Variants in CEBPZ observed in about 807,000 individuals in gnomAD.
CEBPZ encodes the protein CCAAT/enhancer-binding protein zeta.
In CEBPZ, 78 loss-of-function variants were observed where a neutral mutation model predicts 104.5. That is an observed-to-expected ratio of 0.75 (90% confidence interval 0.62 to 0.90). The LOEUF is 0.90. CEBPZ is among the 40% of genes least tolerant of loss of function. The pLI, the probability that CEBPZ is intolerant of heterozygous loss-of-function variation, is 0.00. For synonymous variants in CEBPZ, 470 were observed against 427.0 expected (o/e 1.10, Z -1.24); for missense variants, 1,439 against 1,233.5 (o/e 1.17, Z -2.50).
rs190431091 is a variant in CEBPZ at position 37,201,785 on chromosome 2, T to C, written c.3144A>G (p.Lys1048=). Residue 1048 remains lysine (K), a synonymous_variant, in exon 16 of 16, where the codon AAA becomes AAG. Transcript: ENST00000234170. The stretch of plus-strand genomic sequence containing the variant: ...TAACTCATTTCCTTTGTTTTTTAGT[T>C]TTTTGAGTGGTTTTAATCCTCTTCT... ...FKKKRIKTTQ[K]TKKQRK The C allele has an allele frequency of 1.7e-4, 238 of 1,362,832 alleles. No homozygotes were observed. In the African/African-American group the frequency reaches 2.7e-3, roughly 16 times the overall value. The allele number at this position is 1,362,832 out of a possible 1,614,324, so 84.4% of individuals were successfully genotyped here.
rs903248458 is a variant in CEBPZ at position 37,211,953 on chromosome 2, T to C, written c.2690A>G (p.Asp897Gly). 6.2e-7 allele frequency: 1 copy of C among 1,613,798 alleles called. No homozygotes were observed. The highest frequency in any genetic ancestry group is 2.2e-5 in the East Asian group (1 of 44,844). ...ACTTCCTAAAGAAACTTCATCGTCA[T>C]CCAGGTTACCAAGTTCATCATCACT... ...EGSDDELGNL[D>G]DDEVSLGSMD... Residue 897 changes from aspartate to glycine, a missense_variant, in exon 12 of 16, where the codon GAT becomes GGT. Asp to Gly is a moderately conservative substitution (Grantham distance 94). Coordinates refer to ENST00000234170, the MANE Select transcript of CEBPZ (RefSeq NM_005760.3).
In CEBPZ at chr2:37,212,867, CA is replaced by C. The variant is rs749522819; in HGVS notation, c.2546-476del. On this transcript the variant is annotated intron_variant, in intron 10 of 15. Transcript: ENST00000234170. Reference sequence around the variant, plus strand: ...AAAAAAAAAACAAAAACAACAACAACAAAAAAAAAAACAAAAAAAAAACGAG... The same window carrying C: ...AAAAAAAAAACAAAAACAACAACAACAAAAAAAAAACAAAAAAAAAACGAG... 3.6e-4 allele frequency among the ~76,000 whole-genome samples: 42 copies of C among 117,230 alleles called. No individual in the cohort carries two copies. The East Asian group carries it at 6.0e-3, about 17-fold the overall frequency. The allele number at this position is 117,230 out of a possible 152,430, so 76.9% of individuals were successfully genotyped here.
At chr2:37,210,084 T>G (rs1677671221) in intron 13 of CEBPZ, 1 of 152,152 alleles carries the variant, frequency 6.6e-6, no homozygotes, top group African/African-American at 2.4e-5. Flanking sequence ...AATACCACCT[T>G]ACTCCTGCAA....
chr2:37,212,226 A>T, intron 11 of CEBPZ, 109 bp downstream of exon 11: 1 of 1,087,020 alleles, frequency 9.2e-7, no homozygotes, highest in Non-Finnish European at 1.4e-6. Context: ...TCCCAAACTT[A>T]CTTGACTACA....
chr2:37,207,310 G>C (rs995549905), intron 13 of CEBPZ, among the ~76,000 whole-genome samples: 1 of 152,110 alleles, frequency 6.6e-6, no homozygotes, highest in Non-Finnish European at 1.5e-5. Flanking sequence ...GGACTTAACA[G>C]ATACCTACGG....
intron 8 of CEBPZ, 157 bp downstream of exon 8, chr2:37,215,983 C>G: frequency 2.3e-6 from 1 of 433,632 alleles, no homozygotes; most frequent in Non-Finnish European, 4.0e-6. Context: ...CAGTCAGATA[C>G]AGTAGATTTA....
rs538373586 is a variant in CEBPZ at position 37,225,099 on chromosome 2, A to C, written c.1650-1698T>G. On this transcript the variant is annotated intron_variant, in intron 2 of 15. Transcript: ENST00000234170. Reference sequence around the variant, plus strand: ...ACAAAAACAAAACTCAAGATCCCGAAACCTCTACATTTTCAGCCTTGGAAC... The same window carrying C: ...ACAAAAACAAAACTCAAGATCCCGACACCTCTACATTTTCAGCCTTGGAAC... Among the ~76,000 whole-genome samples the C allele has an allele frequency of 2.0e-5, 3 of 152,344 alleles. No individual in the cohort carries two copies. The South Asian group carries it at 6.2e-4, about 32-fold the overall frequency.
At chr2:37,206,381 G>T (rs1192891963) in intron 13 of CEBPZ, among the ~76,000 whole-genome samples, 8 of 152,208 alleles carry the variant, frequency 5.3e-5, no homozygotes, top group Admixed American at 3.9e-4. Context: ...TTTTTGAGAT[G>T]GAATCTTGCT....
In CEBPZ at chr2:37,201,619, A is replaced by T. The variant is rs746097203; in HGVS notation, c.*145T>A. Reference sequence around the variant, plus strand: ...ACAATGCTTCCACATGACTTTATAAATGAGAGCTATTTTTATTTATAGTTT... The same window carrying T: ...ACAATGCTTCCACATGACTTTATAATTGAGAGCTATTTTTATTTATAGTTT... On this transcript the variant is annotated 3_prime_UTR_variant, in exon 16 of 16. Coordinates refer to ENST00000234170, the MANE Select transcript of CEBPZ (RefSeq NM_005760.3). 7 of 695,940 alleles carry T rather than the reference A, an allele frequency of 1.0e-5. No homozygotes were observed. The highest frequency in any genetic ancestry group is 1.8e-5 in the Non-Finnish European group (7 of 388,408). 43.1% of individuals were successfully genotyped at this position (695,940 alleles called of 1,614,324 possible). A position where few individuals can be genotyped will look rare whatever the true frequency, so the allele number is the denominator to read the frequency against.
In CEBPZ at chr2:37,231,463, T is replaced by G; in HGVS notation, c.105A>C (p.Glu35Asp). 2 of 1,614,222 alleles carry G rather than the reference T, an allele frequency of 1.2e-6. No homozygotes were observed. Among genetic ancestry groups the G allele is most frequent in the Non-Finnish European group, 1.7e-6 (2 of 1,180,040 alleles). Residue 35 changes from glutamate to aspartate, a missense_variant, in exon 1 of 16, where the codon GAA becomes GAC. By Grantham distance (45) the Glu-to-Asp change is conservative. Coordinates refer to ENST00000234170, the MANE Select transcript of CEBPZ (RefSeq NM_005760.3). Reference sequence around the variant, plus strand: ...CCTCCAGGGAGAACCCATTCTCGGCTTCACTAGTATTATCCTCATCCTCCT... The same window carrying G: ...CCTCCAGGGAGAACCCATTCTCGGCGTCACTAGTATTATCCTCATCCTCCT... ...PDEEDEDNTS[E>D]AENGFSLEEV...
At chr2:37,215,535 C>T (rs1677847200) in intron 8 of CEBPZ, 1 of 152,352 alleles carries the variant, frequency 6.6e-6, no homozygotes, top group Admixed American at 6.5e-5. Context: ...CCTTTTACAT[C>T]TCTGGACCTC....
At chr2:37,213,665 C>T (rs916486686) in intron 10 of CEBPZ, 199 bp downstream of exon 10, 25 of 454,886 alleles carry the variant, frequency 5.5e-5, no homozygotes, top group Admixed American at 8.3e-5. Flanking sequence ...CTTCCTGCCT[C>T]GGCCTGCCAA....
chr2:37,216,236 T>C (rs1207493846), intron 7 of CEBPZ, 28 bp from the exon 8 acceptor site: 3 of 1,607,080 alleles, frequency 1.9e-6, no homozygotes, highest in South Asian at 1.1e-5. Flanking sequence ...GACAGTATAA[T>C]GCAAAACCTA....
chr2:37,222,535 T>A lies in CEBPZ; in HGVS notation c.1910A>T (p.Asp637Val), dbSNP rs771369107. 6.3e-7 allele frequency: 1 copy of A among 1,589,354 alleles called. No individual in the cohort carries two copies. Among genetic ancestry groups the A allele is most frequent in the East Asian group, 2.2e-5 (1 of 44,478 alleles). ...TTCCATGTCTTCATCATCATTTGCA[T>A]CAATAAAATTTTCTTCATCATCAGA... is the stretch of plus-strand genomic sequence containing the variant. ...PESDDEENFI[D>V]ANDDEDMEKF... The change falls in exon 4 of 16, where the codon GAT becomes GTT. Residue 637 changes from aspartate (D) to valine (V), a missense_variant. Asp to Val is a radical substitution (Grantham distance 152). Transcript: ENST00000234170.
chr2:37,212,094 G>A (rs1482226594), intron 11 of CEBPZ, 55 bp from the exon 12 acceptor site: 2 of 1,463,892 alleles, frequency 1.4e-6, no homozygotes, highest in Non-Finnish European at 1.8e-6. Flanking sequence ...CTAAAGTAGT[G>A]TTTTGCTGAC....
intron 11 of CEBPZ, 111 bp from the exon 12 acceptor site, chr2:37,212,150 G>C: frequency 9.5e-7 from 1 of 1,047,294 alleles, no homozygotes; most frequent in Non-Finnish European, 1.4e-6. Context: ...AGAAAGCTTT[G>C]CAGACTGCTC....
intron 15 of CEBPZ, 181 bp downstream of exon 15, chr2:37,202,603 C>G (rs1677308971): frequency 5.4e-6 from 2 of 371,826 alleles, no homozygotes; most frequent in African/African-American, 2.8e-5. Context: ...CAAGATCATG[C>G]CACTGCATTC....
chr2:37,212,313 G>T (rs1334762860), intron 11 of CEBPZ, 22 bp downstream of exon 11: 1 of 1,602,662 alleles, frequency 6.2e-7, no homozygotes, highest in Admixed American at 1.7e-5. Context: ...AAAATAGGAA[G>T]GAGAAGATAG....
In CEBPZ at chr2:37,223,169, C is replaced by T; in HGVS notation, c.1881+1G>A. 1 of 1,609,652 alleles carries T rather than the reference C, an allele frequency of 6.2e-7. No homozygotes were observed. Reference sequence around the variant, plus strand: ...ATTTAAAAAGCAGTTGTAAAATATACCGGATGATCATCTAGTTGGCTTCTT... The same window carrying T: ...ATTTAAAAAGCAGTTGTAAAATATATCGGATGATCATCTAGTTGGCTTCTT... On this transcript the variant is annotated splice_donor_variant, in intron 3 of 15. Transcript: ENST00000234170. LOFTEE classifies it high-confidence loss of function.
Sources: gnomAD v4.1 joint callset for allele counts (sites outside exome capture counted in the v4.1 genomes callset) on GRCh38, gnomAD v4.1.1 for gene constraint, MANE v1.5 for transcripts, NCBI Gene and HGNC (gene_info 2026-07-23, HGNC 2026-07-21) for gene names.